NPFFR2: variants seen among roughly 807,000 people sequenced by gnomAD.
NPFFR2 encodes G-protein coupled receptor 74.
In NPFFR2, 15 loss-of-function variants were observed where a neutral mutation model predicts 13.1. The ratio of observed to expected loss-of-function variants is 1.15; its 90% confidence interval spans 0.77 to 1.76. The LOEUF (loss-of-function observed/expected upper bound fraction) is 1.76. NPFFR2 is among the 40% of genes most tolerant of loss of function. The probability of loss-of-function intolerance (pLI) is 0.00; values close to 1 mark genes in which losing one functional copy is unlikely to be tolerated. For missense variants in NPFFR2, 572 were observed against 503.5 expected (o/e 1.14, Z -1.30); for synonymous variants, 190 against 175.7 (o/e 1.08, Z -0.65).
In NPFFR2 at chr4:72,032,055, A is replaced by C; in HGVS notation, c.-153A>C. The C allele has an allele frequency of 6.2e-7, 1 of 1,614,078 alleles. No individual in the cohort carries two copies. Among genetic ancestry groups the C allele is most frequent in the Non-Finnish European group, 8.5e-7 (1 of 1,179,982 alleles). On this transcript the variant is annotated 5_prime_UTR_variant, in exon 1 of 4. Coordinates refer to ENST00000308744, the MANE Select transcript of NPFFR2 (RefSeq NM_004885.3). Reference sequence around the variant, plus strand: ...CTGGAGCGGAAGCCTGGAGTGGAGCAGGCAGTCCGCGGGGGACAGACGTCG... The same window carrying C: ...CTGGAGCGGAAGCCTGGAGTGGAGCCGGCAGTCCGCGGGGGACAGACGTCG...
chr4:72,145,523 G>A (rs1038679462), intron 3 of NPFFR2, among the ~76,000 whole-genome samples: 5 of 151,996 alleles, frequency 3.3e-5, no homozygotes, highest in Admixed American at 3.3e-4. Flanking sequence ...TTCAAAAAGA[G>A]CAAAATACAT....
chr4:72,089,609 C>A lies in NPFFR2; in HGVS notation c.-7-38976C>A, dbSNP rs571981982. 2.6e-5 allele frequency among the ~76,000 whole-genome samples: 4 copies of A among 152,148 alleles called. No individual in the cohort carries two copies. The East Asian group carries it at 5.8e-4, about 22-fold the overall frequency. On this transcript the variant is annotated intron_variant, in intron 1 of 3. Coordinates refer to ENST00000308744, the MANE Select transcript of NPFFR2 (RefSeq NM_004885.3). ...GAGCATTTTTTCATTTGTTTGTTGG[C>A]CATTTGTATATCTTCTTTTGAGAGT...
chr4:72,134,606 AT>A (rs1349575657), intron 2 of NPFFR2, among the ~76,000 whole-genome samples: 2 of 152,178 alleles, frequency 1.3e-5, no homozygotes, highest in African/African-American at 4.8e-5. Context: ...TTTCTCTCTT[AT>A]AAAATGTTTT....
intron 1 of NPFFR2, 46 bp from the exon 2 acceptor site, chr4:72,128,539 A>T: frequency 8.3e-7 from 1 of 1,199,254 alleles, no homozygotes; most frequent in Non-Finnish European, 1.2e-6. Flanking sequence ...TTTATGCTTT[A>T]CTGGTTCCTA....
intron 1 of NPFFR2, among the ~76,000 whole-genome samples, chr4:72,075,714 G>A (rs1328804712): frequency 2.0e-5 from 3 of 152,074 alleles, no homozygotes; most frequent in African/African-American, 7.2e-5. Context: ...GGTACATTGA[G>A]TAGTCAAAAT....
intron 1 of NPFFR2, among the ~76,000 whole-genome samples, chr4:72,077,334 T>A: frequency 6.6e-6 from 1 of 152,152 alleles, no homozygotes; most frequent in East Asian, 1.9e-4. Context: ...AAGCTACCAC[T>A]ATCATCTCTT....
At chr4:72,129,052 C>G (rs1205297869) in intron 2 of NPFFR2, 133 bp downstream of exon 2, 1 of 659,966 alleles carries the variant, frequency 1.5e-6, no homozygotes, top group Non-Finnish European at 2.6e-6. Flanking sequence ...ATCCAGGCAC[C>G]TGCCCTCATT....
At chr4:72,143,934 C>T (rs764240083) in intron 3 of NPFFR2, among the ~76,000 whole-genome samples, 5 of 152,298 alleles carry the variant, frequency 3.3e-5, no homozygotes, top group Middle Eastern at 3.4e-3. Flanking sequence ...TCACATCCCT[C>T]GTTACCTACC....
At chr4:72,096,789 G>T (rs1335080937) in intron 1 of NPFFR2, among the ~76,000 whole-genome samples, 3 of 151,864 alleles carry the variant, frequency 2.0e-5, no homozygotes, top group Non-Finnish European at 4.4e-5. Context: ...ACTTACAATG[G>T]AGTTACGTCA....
chr4:72,039,468 C>T, intron 1 of NPFFR2: 1 of 745,304 alleles, frequency 1.3e-6, no homozygotes, highest in Non-Finnish European at 1.6e-6. Context: ...CTCTTATACC[C>T]ATTCACATAT....
At chr4:72,095,633 A>C (rs2109805451) in intron 1 of NPFFR2, among the ~76,000 whole-genome samples, 1 of 152,312 alleles carries the variant, frequency 6.6e-6, no homozygotes, top group East Asian at 1.9e-4. Flanking sequence ...AGGAATTGCT[A>C]AATTCTGGCT....
chr4:72,111,618 G>A (rs1431762574), intron 1 of NPFFR2, among the ~76,000 whole-genome samples: 2 of 151,876 alleles, frequency 1.3e-5, no homozygotes, highest in African/African-American at 2.4e-5. Flanking sequence ...CTGGAATTCT[G>A]TATTGTTTAC....
intron 1 of NPFFR2, among the ~76,000 whole-genome samples, chr4:72,096,635 T>G (rs1284636222): frequency 1.3e-5 from 2 of 152,042 alleles, no homozygotes; most frequent in African/African-American, 4.8e-5. Flanking sequence ...CCTCTTTTCT[T>G]TAGAAATGTA....
intron 1 of NPFFR2, among the ~76,000 whole-genome samples, chr4:72,093,255 C>A (rs1387313912): frequency 6.6e-6 from 1 of 152,148 alleles, no homozygotes; most frequent in Non-Finnish European, 1.5e-5. Context: ...CCTCACAGCT[C>A]TTAAGATTCT....
At chr4:72,141,091 G>T (rs1436279835) in intron 3 of NPFFR2, among the ~76,000 whole-genome samples, 1 of 151,620 alleles carries the variant, frequency 6.6e-6, no homozygotes, top group Non-Finnish European at 1.5e-5. Context: ...TATTTCTGTG[G>T]GATCAGTGGT....
Sources: allele counts gnomAD v4.1 joint callset (sites outside exome capture counted in the v4.1 genomes callset), GRCh38; gene constraint gnomAD v4.1.1; transcripts MANE v1.5; gene names NCBI Gene and HGNC (gene_info 2026-07-23, HGNC 2026-07-21).